Variants in OR5D3 observed in about 807,000 individuals in gnomAD.
OR5D3 encodes the protein olfactory receptor family 5 subfamily D member 3, also known as olfactory receptor 5D3.
the OR5D3 span, chr11:55,726,930 C>T: frequency 7.5e-6 from 3 of 399,462 alleles, no homozygotes; most frequent in Non-Finnish European, 1.3e-5. Context: ...AAGCGTTCTC[C>T]ACGTGTGCCT....
the OR5D3 span, chr11:55,723,996 C>A: frequency 2.5e-6 from 1 of 397,924 alleles, no homozygotes. Flanking sequence ...TATTGGAGTT[C>A]GTTAATTTCA....
chr11:55,726,696 T>C, the OR5D3 span: 298,818 of 399,194 alleles, frequency 0.75, 112,571 homozygotes, highest in South Asian at 0.86. Context: ...CATACACATA[T>C]TTTCTGTTGA....
At chr11:55,726,979 C>T in the OR5D3 span, 1 of 400,452 alleles carries the variant, frequency 2.5e-6, no homozygotes, top group African/African-American at 2.1e-5. Flanking sequence ...TGGGACTATC[C>T]TTTTTCTCTA....
At chr11:55,726,106 C>T in the OR5D3 span, 5 of 396,810 alleles carry the variant, frequency 1.3e-5, no homozygotes, top group South Asian at 5.7e-4. Context: ...TTTTCAGCAA[C>T]ACTCTTAATA....
the OR5D3 span, chr11:55,726,850 A>ATCAT: frequency 2.5e-6 from 1 of 398,912 alleles, no homozygotes; most frequent in Non-Finnish European, 4.4e-6. Flanking sequence ...CAGCCTGGTG[A>ATCAT]TCATTCTCAC....
the OR5D3 span, chr11:55,726,973 A>C: frequency 2.5e-6 from 1 of 400,368 alleles, no homozygotes; most frequent in Non-Finnish European, 4.4e-6. Flanking sequence ...TTTCCATGGG[A>C]CTATCCTTTT....
the OR5D3 span, chr11:55,728,041 G>A: frequency 1.3e-5 from 2 of 151,992 alleles, no homozygotes; most frequent in Non-Finnish European, 2.9e-5. Context: ...CTTGACTGGG[G>A]TAGCTCTGTT....
chr11:55,728,156 A>T, the OR5D3 span: 1 of 152,002 alleles, frequency 6.6e-6, no homozygotes, highest in South Asian at 2.1e-4. Context: ...TCTTTGGCTG[A>T]TAGTCTTTGT....
At chr11:55,728,730 T>C in the OR5D3 span, 1 of 152,022 alleles carries the variant, frequency 6.6e-6, no homozygotes, top group Non-Finnish European at 1.5e-5. Flanking sequence ...CCAACTTACA[T>C]GTCTATGCAA....
the OR5D3 span, chr11:55,726,653 C>T: frequency 2.5e-6 from 1 of 400,218 alleles, no homozygotes; most frequent in Non-Finnish European, 4.4e-6. Flanking sequence ...TTAGTGGCTG[C>T]ATCATACTCT....
chr11:55,725,740 C>G, the OR5D3 span, among the ~76,000 whole-genome samples: 1 of 151,904 alleles, frequency 6.6e-6, no homozygotes, highest in Non-Finnish European at 1.5e-5. Context: ...ATAAAACCAC[C>G]AATAAACTGT....
At chr11:55,724,136 C>G in the OR5D3 span, 2 of 392,260 alleles carry the variant, frequency 5.1e-6, no homozygotes, top group Admixed American at 8.9e-5. Flanking sequence ...GACAAACACA[C>G]GTGTAGGTTG....
At chr11:55,725,110 G>A in the OR5D3 span, among the ~76,000 whole-genome samples, 1 of 151,812 alleles carries the variant, frequency 6.6e-6, no homozygotes, top group South Asian at 2.1e-4. Flanking sequence ...AACTACTTAA[G>A]GTTTCTGAAA....
chr11:55,726,616 G>A, the OR5D3 span: 1 of 401,956 alleles, frequency 2.5e-6, no homozygotes. Flanking sequence ...TTACACAGTT[G>A]CAATGTCCCA....
chr11:55,728,199 A>G, the OR5D3 span: 1 of 152,016 alleles, frequency 6.6e-6, no homozygotes, highest in Non-Finnish European at 1.5e-5. Context: ...TATTCCAAAA[A>G]TAAAAGCATA....
the OR5D3 span, chr11:55,728,933 G>T: frequency 6.6e-6 from 1 of 151,894 alleles, no homozygotes; most frequent in African/African-American, 2.4e-5. Context: ...GCACAAAAAA[G>T]GATTTAGAAA....
At chr11:55,725,146 T>A in the OR5D3 span, among the ~76,000 whole-genome samples, 2 of 152,054 alleles carry the variant, frequency 1.3e-5, no homozygotes, top group Non-Finnish European at 2.9e-5. Context: ...ATAATTCTAA[T>A]AAATATAAAA....
the OR5D3 span, among the ~76,000 whole-genome samples, chr11:55,725,509 T>C: frequency 6.6e-6 from 1 of 152,106 alleles, no homozygotes; most frequent in African/African-American, 2.4e-5. Context: ...GAAAAACTTT[T>C]CATTTAAAAT....
the OR5D3 span, chr11:55,728,155 G>A: frequency 1.3e-5 from 2 of 151,972 alleles, no homozygotes; most frequent in African/African-American, 2.4e-5. Flanking sequence ...CTCTTTGGCT[G>A]ATAGTCTTTG....
Sources: gnomAD v4.1 joint callset for allele counts (sites outside exome capture counted in the v4.1 genomes callset) on GRCh38, gnomAD v4.1.1 for gene constraint, MANE v1.5 for transcripts, NCBI Gene and HGNC (gene_info 2026-07-23, HGNC 2026-07-21) for gene names.